Variants in ACTR1B observed in about 807,000 individuals in gnomAD.
ACTR1B encodes beta-centractin.
ACTR1B carries 34 observed loss-of-function variants against 49.4 expected under a neutral mutation model. That is an observed-to-expected ratio of 0.69 (90% confidence interval 0.52 to 0.92). The LOEUF (loss-of-function observed/expected upper bound fraction) is 0.92, where lower values mean the gene tolerates loss of function less well. ACTR1B is among the 40% of genes least tolerant of loss of function. ACTR1B has a pLI of 0.00. For synonymous variants in ACTR1B, 207 were observed against 207.8 expected (o/e 1.00, Z 0.03); for missense variants, 471 against 522.4 (o/e 0.90, Z 0.96).
In ACTR1B at chr2:97,656,805, GCT is replaced by G; in HGVS notation, c.*51_*52del. On this transcript the variant is annotated 3_prime_UTR_variant, in exon 11 of 11. Transcript: ENST00000289228. The stretch of plus-strand genomic sequence containing the variant: ...GAGCCAAGACCAAAAAGGGTTAAAG[GCT>G]CTGTCTCCCCTCCCTCCCCCTCTCC... 1 of 1,456,982 alleles carries G rather than the reference GCT, an allele frequency of 6.9e-7. No homozygotes were observed. 90.3% of individuals were successfully genotyped at this position (1,456,982 alleles called of 1,614,324 possible). A position where few individuals can be genotyped will look rare whatever the true frequency, so the allele number is the denominator to read the frequency against.
intron 10 of ACTR1B, 22 bp from the exon 11 acceptor site, chr2:97,656,982 AT>A (rs1321472500): frequency 6.3e-7 from 1 of 1,585,156 alleles, no homozygotes; most frequent in East Asian, 2.3e-5. Context: ...GAGGGATAGT[AT>A]TGCTGTGGAC....
chr2:97,659,266 A>T lies in ACTR1B; in HGVS notation c.315+86T>A. 3 of 1,587,250 alleles carry T rather than the reference A, an allele frequency of 1.9e-6. No individual in the cohort carries two copies. Among genetic ancestry groups the T allele is most frequent in the Non-Finnish European group, 1.7e-6 (2 of 1,165,354 alleles). On this transcript the variant is annotated intron_variant, in intron 4 of 10. Transcript: ENST00000289228. The surrounding 1 kb of genome is among the most constrained non-coding windows in gnomAD (Gnocchi z 4.0). ...AGGCCCTCTAGAAATGTAGAAGGGA[A>T]ATGTGGGAGCCCGGCGAGGAGGGAC...
Position 97,658,379 on chromosome 2 carries a change from C to G in ACTR1B, c.657+48G>C. The G allele has an allele frequency of 1.2e-6, 2 of 1,613,630 alleles. No individual in the cohort carries two copies. The highest frequency in any genetic ancestry group is 1.7e-6 in the Non-Finnish European group (2 of 1,179,652). On this transcript the variant is annotated intron_variant, in intron 6 of 10. Transcript: ENST00000289228. The surrounding 1 kb of genome is among the most constrained non-coding windows in gnomAD (Gnocchi z 5.9). ...CTGGGACACCTGTGCCTTGGTGCCA[C>G]CCTTTCCTCACCCCAGGTCGTGTCC...
chr2:97,663,602 GC>G (rs1394310266), intron 1 of ACTR1B, among the ~76,000 whole-genome samples: 1 of 151,848 alleles, frequency 6.6e-6, no homozygotes, highest in African/African-American at 2.4e-5. Flanking sequence ...GAACTTCCCC[GC>G]CCGACTCGGG....
chr2:97,659,489 G>T lies in ACTR1B; in HGVS notation c.190-12C>A. 1 of 1,612,740 alleles carries T rather than the reference G, an allele frequency of 6.2e-7. No individual in the cohort carries two copies. On this transcript the variant is annotated splice_polypyrimidine_tract_variant and intron_variant, in intron 3 of 10. Coordinates refer to ENST00000289228, the MANE Select transcript of ACTR1B (RefSeq NM_005735.4). This position sits in a 1 kb window ranked among gnomAD's most constrained non-coding sequence, Gnocchi z 4.0. ...AGCCCCCGGTGCTCCTGGTGGGGTG[G>T]GAAGGGAGGTGTGGCACCCGGCCCT... is the stretch of plus-strand genomic sequence containing the variant.
intron 10 of ACTR1B, 43 bp from the exon 11 acceptor site, chr2:97,657,003 A>G: frequency 6.3e-7 from 1 of 1,578,454 alleles, no homozygotes; most frequent in Non-Finnish European, 8.6e-7. Context: ...CCTGTCAGGG[A>G]GCCAACCACC....
In ACTR1B at chr2:97,664,033, G is replaced by A. The variant is rs1449448801; in HGVS notation, c.-143C>T. 2 of 379,904 alleles carry A rather than the reference G, an allele frequency of 5.3e-6. No homozygotes were observed. The highest frequency in any genetic ancestry group is 8.7e-6 in the Non-Finnish European group (2 of 230,596). The allele number at this position is 379,904 out of a possible 1,614,324, so 23.5% of individuals were successfully genotyped here. A position where few individuals can be genotyped will look rare whatever the true frequency, so the allele number is the denominator to read the frequency against. On this transcript the variant is annotated 5_prime_UTR_variant, in exon 1 of 11. Coordinates refer to ENST00000289228, the MANE Select transcript of ACTR1B (RefSeq NM_005735.4). ...CGAGCCTGCAGCCTACGCGAGCCCCGCGGGGCTTTCTGGAGGGCGGGCCCG... is the reference window on the plus strand; with the variant it reads ...CGAGCCTGCAGCCTACGCGAGCCCCACGGGGCTTTCTGGAGGGCGGGCCCG...
In ACTR1B at chr2:97,659,013, A is replaced by C. The variant is rs752648968; in HGVS notation, c.316-10T>G. ...TGAGGAGCACAGGATGCTGCGAGGG[A>C]CGGGACAGTTGTAGGCATCAGAGGA... On this transcript the variant is annotated splice_polypyrimidine_tract_variant and intron_variant, in intron 4 of 10. Coordinates refer to ENST00000289228, the MANE Select transcript of ACTR1B (RefSeq NM_005735.4). This position sits in a 1 kb window ranked among gnomAD's most constrained non-coding sequence, Gnocchi z 4.0. 1 of 1,613,960 alleles carries C rather than the reference A, an allele frequency of 6.2e-7. No individual in the cohort carries two copies. Among genetic ancestry groups the C allele is most frequent in the Non-Finnish European group, 8.5e-7 (1 of 1,179,998 alleles).
chr2:97,662,524 C>T (rs1246632952), intron 1 of ACTR1B, among the ~76,000 whole-genome samples: 2 of 151,998 alleles, frequency 1.3e-5, no homozygotes, highest in Non-Finnish European at 2.9e-5. Context: ...CGGCAGCTTC[C>T]CTCAAGTGGC....
chr2:97,661,249 G>A (rs1357561526), intron 2 of ACTR1B, among the ~76,000 whole-genome samples: 4 of 152,244 alleles, frequency 2.6e-5, no homozygotes, highest in African/African-American at 7.2e-5. Context: ...GGCCGGGCTC[G>A]GGCTAGCCTG....
rs752709785 is a variant in ACTR1B at position 97,660,567 on chromosome 2, T to A, written c.189+4A>T. On this transcript the variant is annotated splice_donor_region_variant and intron_variant, in intron 3 of 10. Coordinates refer to ENST00000289228, the MANE Select transcript of ACTR1B (RefSeq NM_005735.4). ...CCAGGGAAAGGCAGGCTCCTCGGTG[T>A]TACCTCTGCTTTTGGTCCGATGAAG... 28 of 1,613,854 alleles carry A rather than the reference T, an allele frequency of 1.7e-5. No homozygotes were observed. In the East Asian group the frequency reaches 6.0e-4, roughly 35 times the overall value.
intron 2 of ACTR1B, 126 bp from the exon 3 acceptor site, chr2:97,660,772 G>A (rs1674991559): frequency 1.1e-6 from 1 of 928,174 alleles, no homozygotes; most frequent in Non-Finnish European, 1.7e-6. Flanking sequence ...ATGTGGCTGG[G>A]GGGCACAGGT....
In ACTR1B at chr2:97,658,148, T is replaced by C. The variant is rs1161032724; in HGVS notation, c.751-31A>G. The C allele has an allele frequency of 1.9e-6, 3 of 1,613,090 alleles. No homozygotes were observed. The highest frequency in any genetic ancestry group is 4.5e-5 in the East Asian group (2 of 44,858). On this transcript the variant is annotated intron_variant, in intron 7 of 10. Coordinates refer to ENST00000289228, the MANE Select transcript of ACTR1B (RefSeq NM_005735.4). This position sits in a 1 kb window ranked among gnomAD's most constrained non-coding sequence, Gnocchi z 5.9. ...GTGTACAAGATTGAGGCAGACAGGC[T>C]TCCTGGAGAAGCGGGCTACCCCTTC...
chr2:97,657,298 T>G lies in ACTR1B; in HGVS notation c.988-106A>C, dbSNP rs1440563428. The G allele has an allele frequency of 5.3e-5, 81 of 1,529,454 alleles. No individual in the cohort carries two copies. In the Admixed American group the frequency reaches 7.5e-4, roughly 14 times the overall value. 94.7% of individuals were successfully genotyped at this position (1,529,454 alleles called of 1,614,324 possible). A position where few individuals can be genotyped will look rare whatever the true frequency, so the allele number is the denominator to read the frequency against. Reference sequence around the variant, plus strand: ...GTCCTGAAGCCTGACAGCAAAGGCATAAGCTGGGGAGTGGCAGCAGCAGCC... The same window carrying G: ...GTCCTGAAGCCTGACAGCAAAGGCAGAAGCTGGGGAGTGGCAGCAGCAGCC... On this transcript the variant is annotated intron_variant, in intron 9 of 10. Transcript: ENST00000289228.
rs1674929915 is a variant in ACTR1B at position 97,658,811 on chromosome 2, T to C, written c.440+68A>G. On this transcript the variant is annotated intron_variant, in intron 5 of 10. Transcript: ENST00000289228. The surrounding 1 kb of genome is among the most constrained non-coding windows in gnomAD (Gnocchi z 5.9). ...CTGTTTTTCCAGGGAAGTCAGACCCTGGTCATGGCAAGCAGGACGGCACAG... is the reference window on the plus strand; with the variant it reads ...CTGTTTTTCCAGGGAAGTCAGACCCCGGTCATGGCAAGCAGGACGGCACAG... 2 of 1,608,954 alleles carry C rather than the reference T, an allele frequency of 1.2e-6. No homozygotes were observed. The highest frequency in any genetic ancestry group is 1.7e-6 in the Non-Finnish European group (2 of 1,176,538).
intron 1 of ACTR1B, among the ~76,000 whole-genome samples, chr2:97,662,638 G>C (rs1445564490): frequency 6.6e-6 from 1 of 152,048 alleles, no homozygotes; most frequent in African/African-American, 2.4e-5. Flanking sequence ...CTCCCACCCA[G>C]CGAAGGGATA....
Position 97,659,961 on chromosome 2 carries a change from T to C in ACTR1B, c.190-484A>G. 1 of 201,784 alleles carries C rather than the reference T, an allele frequency of 5.0e-6. No homozygotes were observed. The highest frequency in any genetic ancestry group is 8.7e-5 in the South Asian group (1 of 11,542). 12.5% of individuals were successfully genotyped at this position (201,784 alleles called of 1,614,324 possible). ...CATGCTGCCTCCACCTGCCCTTCGA[T>C]GTCCCCCCAGCCATGCCCCTTCTCA... On this transcript the variant is annotated intron_variant, in intron 3 of 10. Transcript: ENST00000289228. The surrounding 1 kb of genome is among the most constrained non-coding windows in gnomAD (Gnocchi z 4.0).
chr2:97,658,294 T>A lies in ACTR1B; in HGVS notation c.680A>T (p.Asn227Ile), dbSNP rs376524220. 6.2e-7 allele frequency: 1 copy of A among 1,614,184 alleles called. No homozygotes were observed. Among genetic ancestry groups the A allele is most frequent in the Non-Finnish European group, 8.5e-7 (1 of 1,180,034 alleles). ...CTCCAGAGCCTCATCCTTCTGTGGG[T>A]TGATGGACAGGTAGCACGCTCGCTG... ...IKERACYLSINPQKDEALETE... is the reference protein window; with the variant it reads ...IKERACYLSIIPQKDEALETE... The change falls in exon 7 of 11, where the codon AAC becomes ATC. Residue 227 changes from asparagine (N) to isoleucine (I), a missense_variant. Coordinates refer to ENST00000289228, the MANE Select transcript of ACTR1B (RefSeq NM_005735.4). This position sits in a 1 kb window ranked among gnomAD's most constrained non-coding sequence, Gnocchi z 5.9.
chr2:97,656,942 C>T lies in ACTR1B; in HGVS notation c.1047G>A (p.Ser349=), dbSNP rs765376074. The change falls in exon 11 of 11, where the codon TCG becomes TCA. Residue 349 remains serine, a synonymous_variant. Coordinates refer to ENST00000289228, the MANE Select transcript of ACTR1B (RefSeq NM_005735.4). The part of the protein sequence containing the change: ...STWIGGSILA[S]LDTFKKMWVS... ...CCCACATCTTCTTAAAAGTGTCCAG[C>T]GAGGCCAGGATGGAGCCGCTGTGGG... The T allele has an allele frequency of 1.0e-5, 16 of 1,594,078 alleles. No homozygotes were observed. Among genetic ancestry groups the T allele is most frequent in the South Asian group, 4.5e-5 (4 of 87,982 alleles).
Sources: allele counts gnomAD v4.1 joint callset (sites outside exome capture counted in the v4.1 genomes callset), GRCh38; gene constraint gnomAD v4.1.1; non-coding constraint Gnocchi (gnomAD v3.1); transcripts MANE v1.5; gene names NCBI Gene and HGNC (gene_info 2026-07-23, HGNC 2026-07-21).